DST: variants seen among roughly 807,000 people sequenced by gnomAD.
The protein encoded by DST is bullous pemphigoid antigen.
In DST, 253 loss-of-function variants were observed where a neutral mutation model predicts 875.2. That is an observed-to-expected ratio of 0.29 (90% CI 0.26 to 0.32). DST has a LOEUF of 0.32. Ranked by LOEUF, DST falls within the 10% of genes least tolerant of loss-of-function variation. The pLI is 1.00. For missense variants in DST, 8,287 were observed against 9,111.6 expected, an observed-to-expected ratio of 0.91 and a Z score of 3.68; for synonymous variants, 3,124 against 3,197.1, an observed-to-expected ratio of 0.98 and a Z score of 0.77.
At chr6:56,905,697 G>T (rs1421846337) in intron 2 of DST, among the ~76,000 whole-genome samples, 1 of 150,158 alleles carries the variant, frequency 6.7e-6, no homozygotes, top group East Asian at 1.9e-4. Flanking sequence ...CACCCAGGCT[G>T]AAGTGCAATG....
chr6:56,581,446 A>G (rs2097988932), intron 49 of DST, among the ~76,000 whole-genome samples: 1 of 152,212 alleles, frequency 6.6e-6, no homozygotes, highest in Admixed American at 6.5e-5. Context: ...TGCTTCGGAA[A>G]GGATAATGTA....
At chr6:56,502,874 T>C (rs1205287910) in intron 78 of DST, among the ~76,000 whole-genome samples, 1 of 152,134 alleles carries the variant, frequency 6.6e-6, no homozygotes, top group Non-Finnish European at 1.5e-5. Context: ...GCAAAGTTCA[T>C]TGCAAACAGT....
intron 99 of DST, 83 bp from the exon 100 acceptor site, chr6:56,464,839 C>A: frequency 1.9e-6 from 2 of 1,049,302 alleles, no homozygotes; most frequent in Non-Finnish European, 2.9e-6. Context: ...GTTGAATATG[C>A]AAAGGGTGCT....
At chr6:56,704,445 C>A (rs1050275032) in intron 5 of DST, 76 bp from the exon 6 acceptor site, 1 of 680,428 alleles carries the variant, frequency 1.5e-6, no homozygotes, top group Non-Finnish European at 2.5e-6. Context: ...AAAAAGGAGA[C>A]AAGTAGAAAA....
At chr6:56,650,173 C>T (rs2098966581) in intron 12 of DST, among the ~76,000 whole-genome samples, 1 of 151,996 alleles carries the variant, frequency 6.6e-6, no homozygotes, top group Non-Finnish European at 1.5e-5. Context: ...CAAAGATGAG[C>T]TCCTAAATCT....
At chr6:56,729,240 T>C (rs2099486316) in intron 5 of DST, among the ~76,000 whole-genome samples, 1 of 152,190 alleles carries the variant, frequency 6.6e-6, no homozygotes, top group Non-Finnish European at 1.5e-5. Context: ...CCCAAAGCAA[T>C]ACACTCTACC....
intron 4 of DST, among the ~76,000 whole-genome samples, chr6:56,817,060 A>C (rs1314926603): frequency 1.3e-5 from 2 of 151,736 alleles, no homozygotes; most frequent in Admixed American, 1.3e-4. Flanking sequence ...AAATAGTGAG[A>C]TAAATGGGTG....
At chr6:56,838,126 T>A (rs1463536333) in intron 4 of DST, among the ~76,000 whole-genome samples, 1 of 152,220 alleles carries the variant, frequency 6.6e-6, no homozygotes, top group African/African-American at 2.4e-5. Context: ...AACAGAAGCA[T>A]CTGTGTTTAG....
intron 5 of DST, among the ~76,000 whole-genome samples, chr6:56,718,735 A>C (rs2099403796): frequency 6.6e-6 from 1 of 152,250 alleles, no homozygotes; most frequent in Non-Finnish European, 1.5e-5. Flanking sequence ...AATAAAAGGG[A>C]CTGAAGGAAG....
Position 56,517,697 on chromosome 6 carries a change from A to C in DST, c.18130-77T>G, listed in dbSNP as rs2096621459. 15 of 1,484,236 alleles carry C rather than the reference A, an allele frequency of 1.0e-5. No individual in the cohort carries two copies. In the South Asian group the frequency reaches 2.0e-4, roughly 20 times the overall value. The allele number at this position is 1,484,236 out of a possible 1,614,324, so 91.9% of individuals were successfully genotyped here. Reference sequence around the variant, plus strand: ...AAAATACCTATCTACAGTTCTTTGAAATATCCTTATTACACAAGTGGAAAA... The same window carrying C: ...AAAATACCTATCTACAGTTCTTTGACATATCCTTATTACACAAGTGGAAAA... On this transcript the variant is annotated intron_variant, in intron 69 of 103. Transcript: ENST00000680361.
intron 55 of DST, 61 bp downstream of exon 55, chr6:56,568,408 A>AT: frequency 6.5e-7 from 1 of 1,530,836 alleles, no homozygotes; most frequent in Non-Finnish European, 8.8e-7. Flanking sequence ...TAACATACAC[A>AT]AAATTGACAT....
At chr6:56,753,930 C>G (rs925592535) in intron 4 of DST, among the ~76,000 whole-genome samples, 1 of 152,160 alleles carries the variant, frequency 6.6e-6, no homozygotes, top group Admixed American at 6.5e-5. Context: ...GTTAGAGTAA[C>G]AGCATAACAG....
chr6:56,475,718 A>C (rs889743947), intron 92 of DST, among the ~76,000 whole-genome samples: 1 of 152,210 alleles, frequency 6.6e-6, no homozygotes, highest in Non-Finnish European at 1.5e-5. Context: ...TGTGAACATA[A>C]TGCATCCACA....
At position 56,569,982 on chromosome 6, in the gene DST, C is replaced by A. The variant is rs772617751; in HGVS notation, c.13752G>T (p.Gln4584His). The change falls in exon 54 of 104, where the codon CAG (glutamine) becomes CAT (histidine). Residue 4584 changes from glutamine to histidine, a missense_variant. Coordinates refer to ENST00000680361, the MANE Select transcript of DST (RefSeq NM_001374736.1). ...TAACAAGAACTTGGAAAGCATCCAACTGTTCTTGACAAGAAGTTACAGCTT... is the reference window on the plus strand; with the variant it reads ...TAACAAGAACTTGGAAAGCATCCAAATGTTCTTGACAAGAAGTTACAGCTT... ...KKEAVTSCQE[Q>H]LDAFQVLVKS... The A allele has an allele frequency of 1.9e-6, 3 of 1,596,640 alleles. No homozygotes were observed. The highest frequency in any genetic ancestry group is 8.5e-7 in the Non-Finnish European group (1 of 1,175,554).
At chr6:56,476,029 T>C in intron 92 of DST, 120 bp downstream of exon 92, 1 of 868,434 alleles carries the variant, frequency 1.2e-6, no homozygotes, top group Non-Finnish European at 1.7e-6. Context: ...TGTAAGGAGC[T>C]GAGGAGTCTG....
chr6:56,880,178 A>C (rs1224561981), intron 3 of DST, among the ~76,000 whole-genome samples: 1 of 152,202 alleles, frequency 6.6e-6, no homozygotes, highest in Non-Finnish European at 1.5e-5. Flanking sequence ...CTCTTAGCTA[A>C]AGTTAAGCGA....
At chr6:56,542,711 G>A (rs968602078) in intron 61 of DST, 3 of 152,558 alleles carry the variant, frequency 2.0e-5, no homozygotes, top group Non-Finnish European at 2.9e-5. Context: ...AGGGAGCTCC[G>A]GGGCTGTCCG....
chr6:56,781,645 A>G (rs2089429743), intron 4 of DST, among the ~76,000 whole-genome samples: 1 of 152,146 alleles, frequency 6.6e-6, no homozygotes, highest in Non-Finnish European at 1.5e-5. Flanking sequence ...GGTTTTCTAG[A>G]TATACAATCA....
At chr6:56,693,019 G>A in intron 9 of DST, 1 of 1,289,732 alleles carries the variant, frequency 7.8e-7, no homozygotes, top group South Asian at 1.2e-5. Context: ...GTCACCTCCA[G>A]TTTTTTTGAT....
Sources: allele counts gnomAD v4.1 joint callset (sites outside exome capture counted in the v4.1 genomes callset), GRCh38; gene constraint gnomAD v4.1.1; transcripts MANE v1.5; gene names NCBI Gene and HGNC (gene_info 2026-07-23, HGNC 2026-07-21).